The following AGBL4 variants were observed in gnomAD, a reference collection of about 807,000 sequenced individuals.
AGBL4 encodes cytosolic carboxypeptidase 6.
In AGBL4, 58 loss-of-function variants were observed where a neutral mutation model predicts 66.4. The observed-to-expected ratio is 0.87, with a 90% confidence interval of 0.71 to 1.09. The LOEUF (loss-of-function observed/expected upper bound fraction) is 1.09, where lower values mean the gene tolerates loss of function less well. AGBL4 is among the 50% of genes least tolerant of loss of function. AGBL4 has a pLI of 0.00. For missense variants in AGBL4, 579 were observed against 631.0 expected, an observed-to-expected ratio of 0.92 and a Z score of 0.88; for synonymous variants, 234 against 222.9, an observed-to-expected ratio of 1.05 and a Z score of -0.44.
chr1:49,556,352 G>C (rs1252712359), intron 3 of AGBL4, among the ~76,000 whole-genome samples: 1 of 151,982 alleles, frequency 6.6e-6, no homozygotes, highest in Non-Finnish European at 1.5e-5. Flanking sequence ...ACAGGAAGGG[G>C]AACATCACAT....
intron 4 of AGBL4, among the ~76,000 whole-genome samples, chr1:49,171,535 G>T (rs1239004178): frequency 6.6e-5 from 10 of 152,000 alleles, no homozygotes; most frequent in Admixed American, 5.9e-4. Context: ...CCCTGGAAAC[G>T]AGTGATGTAG....
chr1:48,801,734 C>T (rs1040708221), intron 6 of AGBL4, among the ~76,000 whole-genome samples: 9 of 152,140 alleles, frequency 5.9e-5, no homozygotes, highest in South Asian at 2.1e-4. Flanking sequence ...AATGGCAAGC[C>T]GCTTCCTCCA....
chr1:49,767,583 G>GA (rs551050934), intron 2 of AGBL4, among the ~76,000 whole-genome samples: 2 of 149,428 alleles, frequency 1.3e-5, no homozygotes, highest in African/African-American at 2.5e-5. Context: ...AACATAAGCG[G>GA]AAAAAAAAAG....
intron 3 of AGBL4, among the ~76,000 whole-genome samples, chr1:49,591,320 AAAG>A (rs1644747474): frequency 6.6e-6 from 1 of 152,116 alleles, no homozygotes; most frequent in Non-Finnish European, 1.5e-5. Context: ...ATGGGGAATG[AAAG>A]AAGAAACATT....
chr1:48,537,614 C>T (rs1025037600), intron 12 of AGBL4, among the ~76,000 whole-genome samples: 4 of 152,228 alleles, frequency 2.6e-5, no homozygotes, highest in South Asian at 2.1e-4. Context: ...TCATCTGTAT[C>T]GTGAAGAGAG....
At chr1:48,865,996 G>A (rs1648031768) in intron 6 of AGBL4, among the ~76,000 whole-genome samples, 1 of 152,162 alleles carries the variant, frequency 6.6e-6, no homozygotes, top group Admixed American at 6.5e-5. Context: ...ATGGAATAGA[G>A]TAAACTTTTT....
chr1:49,775,674 A>T (rs1019670175), intron 2 of AGBL4, among the ~76,000 whole-genome samples: 8 of 152,108 alleles, frequency 5.3e-5, no homozygotes, highest in African/African-American at 7.2e-5. Flanking sequence ...GAGGGCAAGG[A>T]CTATGTAATT....
intron 4 of AGBL4, among the ~76,000 whole-genome samples, chr1:49,083,719 C>T (rs748013183): frequency 6.6e-6 from 1 of 152,190 alleles, no homozygotes; most frequent in Non-Finnish European, 1.5e-5. Context: ...TTGAATTTCT[C>T]CTCAGAAAAT....
chr1:49,562,096 T>A (rs1294553403), intron 3 of AGBL4, among the ~76,000 whole-genome samples: 3 of 152,230 alleles, frequency 2.0e-5, no homozygotes, highest in African/African-American at 7.2e-5. Context: ...TTTGGCTGCA[T>A]AAATGTCTTC....
chr1:49,395,885 C>T (rs899381208), intron 3 of AGBL4, among the ~76,000 whole-genome samples: 28 of 137,712 alleles, frequency 2.0e-4, no homozygotes, highest in Non-Finnish European at 3.7e-4. Flanking sequence ...AGCCAGTGGT[C>T]CATATATCAG....
At chr1:48,846,358 GAA>G (rs1491435946) in intron 6 of AGBL4, among the ~76,000 whole-genome samples, 1 of 133,206 alleles carries the variant, frequency 7.5e-6, no homozygotes, top group African/African-American at 2.9e-5. Context: ...AAAGGAGAAA[GAA>G]AGAAGAAAGA....
intron 2 of AGBL4, among the ~76,000 whole-genome samples, chr1:49,826,404 T>C (rs1645511552): frequency 6.6e-6 from 1 of 152,226 alleles, no homozygotes; most frequent in South Asian, 2.1e-4. Flanking sequence ...CCTTCTGTGA[T>C]TGATATGTAA....
intron 2 of AGBL4, among the ~76,000 whole-genome samples, chr1:49,704,143 C>G (rs1647156216): frequency 6.6e-6 from 1 of 152,112 alleles, no homozygotes; most frequent in African/African-American, 2.4e-5. Context: ...CAATCAAATT[C>G]TGGAAGCCTT....
At chr1:48,871,332 C>A (rs1390293810) in intron 5 of AGBL4, among the ~76,000 whole-genome samples, 1 of 140,880 alleles carries the variant, frequency 7.1e-6, no homozygotes, top group Non-Finnish European at 1.6e-5. Context: ...GAAGGCAGAG[C>A]CTTCACATGT....
intron 2 of AGBL4, among the ~76,000 whole-genome samples, chr1:49,749,732 C>T (rs894371796): frequency 6.6e-6 from 1 of 152,108 alleles, no homozygotes; most frequent in African/African-American, 2.4e-5. Context: ...TTAAAAACTA[C>T]AAAATGTTGA....
intron 4 of AGBL4, chr1:49,187,478 C>T (rs1304093836): frequency 6.6e-6 from 1 of 152,128 alleles, no homozygotes; most frequent in Non-Finnish European, 1.5e-5. Flanking sequence ...CATCTATTGG[C>T]TCCACACTGA....
At chr1:48,629,199 C>A (rs759028461) in intron 9 of AGBL4, among the ~76,000 whole-genome samples, 1 of 152,148 alleles carries the variant, frequency 6.6e-6, no homozygotes, top group Non-Finnish European at 1.5e-5. Context: ...ATGGGCTTAG[C>A]TTTCTAAGAT....
chr1:48,692,541 C>G (rs925670781), intron 6 of AGBL4, among the ~76,000 whole-genome samples: 2 of 152,208 alleles, frequency 1.3e-5, no homozygotes, highest in African/African-American at 4.8e-5. Flanking sequence ...AGTAAACAGT[C>G]TGTTTGCAAA....
intron 1 of AGBL4, among the ~76,000 whole-genome samples, chr1:49,888,684 T>C (rs1016075089): frequency 4.6e-5 from 7 of 152,160 alleles, no homozygotes; most frequent in Non-Finnish European, 5.9e-5. Flanking sequence ...TTCAGCTCAA[T>C]AGATGAAAAA....
Sources: allele counts gnomAD v4.1 joint callset (sites outside exome capture counted in the v4.1 genomes callset), GRCh38; gene constraint gnomAD v4.1.1; transcripts MANE v1.5; gene names NCBI Gene and HGNC (gene_info 2026-07-23, HGNC 2026-07-21).